The following ADAM2 variants were observed in gnomAD, a reference collection of about 807,000 sequenced individuals.
ADAM2 encodes the protein ADAM metallopeptidase domain 2, also known as disintegrin and metalloproteinase domain-containing protein 2.
Under a neutral mutation model 99.3 loss-of-function variants are expected in ADAM2, and 101 were observed. The observed-to-expected ratio is 1.02, with a 90% confidence interval of 0.87 to 1.20. The LOEUF is 1.20. Among genes scored for constraint, ADAM2 ranks in the 50% most tolerant of loss-of-function variants. The pLI is 0.00. For missense variants in ADAM2, 948 were observed against 878.7 expected (o/e 1.08, Z -1.00); for synonymous variants, 323 against 287.6 (o/e 1.12, Z -1.25).
chr8:39,790,890 T>A (rs1803683626), intron 7 of ADAM2, among the ~76,000 whole-genome samples: 1 of 151,782 alleles, frequency 6.6e-6, no homozygotes, highest in Non-Finnish European at 1.5e-5. Flanking sequence ...CAATTAACAC[T>A]CCAACCATGT....
At chr8:39,817,671 G>T (rs946455056) in intron 6 of ADAM2, among the ~76,000 whole-genome samples, 15 of 151,860 alleles carry the variant, frequency 9.9e-5, no homozygotes, top group African/African-American at 3.4e-4. Flanking sequence ...TAAAAACTTA[G>T]TAATATGTGC....
chr8:39,813,914 T>A (rs758523889), intron 6 of ADAM2, among the ~76,000 whole-genome samples: 26 of 150,720 alleles, frequency 1.7e-4, no homozygotes, highest in Non-Finnish European at 3.2e-4. Context: ...ACTTAAAGTA[T>A]AATAAAAAAT....
At chr8:39,778,789 C>T (rs969439077) in intron 10 of ADAM2, among the ~76,000 whole-genome samples, 3 of 152,006 alleles carry the variant, frequency 2.0e-5, no homozygotes, top group African/African-American at 4.8e-5. Context: ...AAGGATTCAG[C>T]TAAATTTCAA....
At chr8:39,789,823 A>G (rs1803626921) in intron 7 of ADAM2, among the ~76,000 whole-genome samples, 1 of 151,890 alleles carries the variant, frequency 6.6e-6, no homozygotes, top group Non-Finnish European at 1.5e-5. Flanking sequence ...TAGAATATAT[A>G]AAGAACATTT....
chr8:39,832,914 A>G (rs908099314), intron 3 of ADAM2, among the ~76,000 whole-genome samples: 2 of 152,100 alleles, frequency 1.3e-5, no homozygotes, highest in African/African-American at 4.8e-5. Flanking sequence ...CATTTTTTCT[A>G]ATAGAAAAAA....
intron 14 of ADAM2, among the ~76,000 whole-genome samples, chr8:39,765,739 T>C (rs964340600): frequency 6.6e-6 from 1 of 152,252 alleles, no homozygotes; most frequent in Non-Finnish European, 1.5e-5. Flanking sequence ...TGTAAGTTTC[T>C]TTCTTTGCAT....
At chr8:39,771,179 T>G (rs552458060) in intron 11 of ADAM2, among the ~76,000 whole-genome samples, 1 of 152,316 alleles carries the variant, frequency 6.6e-6, no homozygotes, top group African/African-American at 2.4e-5. Flanking sequence ...TAGTCTACTA[T>G]TTCCTCTGCC....
At chr8:39,759,982 T>G (rs1169209234) in intron 15 of ADAM2, among the ~76,000 whole-genome samples, 1 of 152,150 alleles carries the variant, frequency 6.6e-6, no homozygotes, top group Non-Finnish European at 1.5e-5. Context: ...TTCTCCTGCC[T>G]CAGCCTCTCG....
At chr8:39,749,788 G>C in intron 16 of ADAM2, 44 bp from the exon 17 acceptor site, 1 of 1,497,806 alleles carries the variant, frequency 6.7e-7, no homozygotes, top group African/African-American at 1.4e-5. Flanking sequence ...ATGCCATCTA[G>C]AGTTGCCATT....
intron 3 of ADAM2, among the ~76,000 whole-genome samples, chr8:39,831,402 C>G (rs1339448985): frequency 1.3e-5 from 2 of 152,062 alleles, no homozygotes; most frequent in African/African-American, 4.8e-5. Flanking sequence ...TGAAGAGAGG[C>G]CTCCACAACA....
intron 14 of ADAM2, among the ~76,000 whole-genome samples, chr8:39,762,038 C>T (rs1395522288): frequency 6.6e-6 from 1 of 152,142 alleles, no homozygotes; most frequent in Non-Finnish European, 1.5e-5. Context: ...GAGCCGAGAT[C>T]GCGCCATTGC....
At chr8:39,758,394 A>T (rs1802230292) in intron 15 of ADAM2, among the ~76,000 whole-genome samples, 1 of 152,088 alleles carries the variant, frequency 6.6e-6, no homozygotes, top group South Asian at 2.1e-4. Context: ...TGAAAGAGAG[A>T]GACAGAGACA....
Position 39,749,329 on chromosome 8 carries a change from A to G in ADAM2, c.1997T>C (p.Ile666Thr). Residue 666 changes from isoleucine to threonine, a missense_variant, in exon 18 of 21, where the codon ATA (isoleucine) becomes ACA (threonine). Transcript: ENST00000265708. Reference sequence around the variant, plus strand: ...ATACTTACCAGGGAGTCTGGCTGGTATAGCTACAGGTGGAAAATTGCCACT... The same window carrying G: ...ATACTTACCAGGGAGTCTGGCTGGTGTAGCTACAGGTGGAAAATTGCCACT... Reference protein sequence around the residue: ...IDSGNFPPVAIPARLPERRYI... With the variant: ...IDSGNFPPVATPARLPERRYI... 1 of 1,612,342 alleles carries G rather than the reference A, an allele frequency of 6.2e-7. No homozygotes were observed. Among genetic ancestry groups the G allele is most frequent in the Non-Finnish European group, 8.5e-7 (1 of 1,178,924 alleles).
chr8:39,826,383 C>A (rs1314083471), intron 3 of ADAM2, among the ~76,000 whole-genome samples: 56 of 152,202 alleles, frequency 3.7e-4, no homozygotes, highest in Non-Finnish European at 8.8e-5. Flanking sequence ...AAACTGGACA[C>A]CCACATGCAG....
intron 18 of ADAM2, 116 bp downstream of exon 18, chr8:39,749,196 G>A (rs139129110): frequency 2.2e-6 from 2 of 917,222 alleles, no homozygotes; most frequent in African/African-American, 3.3e-5. Context: ...TTCATGTGCA[G>A]TTTAATGTCT....
At chr8:39,835,747 G>C (rs1372364993) in intron 2 of ADAM2, among the ~76,000 whole-genome samples, 1 of 151,584 alleles carries the variant, frequency 6.6e-6, no homozygotes, top group African/African-American at 2.4e-5. Flanking sequence ...TTTATTAACT[G>C]TAATAATTCA....
intron 3 of ADAM2, among the ~76,000 whole-genome samples, chr8:39,826,328 A>T (rs183361220): frequency 7.3e-4 from 111 of 152,318 alleles, no homozygotes; most frequent in African/African-American, 2.5e-3. Flanking sequence ...TGTCAAGAAG[A>T]CACAATGGGG....
At position 39,749,583 on chromosome 8, in the gene ADAM2, G is replaced by GCGCA. The variant is rs113780233; in HGVS notation, c.1875+83_1875+84insTGCG. ...TGTTTTGGTGTGTGTGTGTGTGTGT[G>GCGCA]TGCGTGTGTGTGTGTGTAGCAATGC... On this transcript the variant is annotated intron_variant, in intron 17 of 20. Transcript: ENST00000265708. 4 of 979,174 alleles carry GCGCA rather than the reference G, an allele frequency of 4.1e-6. No individual in the cohort carries two copies. In the South Asian group the frequency reaches 5.3e-5, roughly 13 times the overall value. The allele number at this position is 979,174 out of a possible 1,614,324, so 60.7% of individuals were successfully genotyped here.
chr8:39,760,731 T>A (rs1037117861), intron 15 of ADAM2, among the ~76,000 whole-genome samples: 17 of 133,212 alleles, frequency 1.3e-4, no homozygotes, highest in East Asian at 4.5e-4. Flanking sequence ...AAAAATAAAA[T>A]AAAAAAATAA....
Sources: allele counts gnomAD v4.1 joint callset (sites outside exome capture counted in the v4.1 genomes callset), GRCh38; gene constraint gnomAD v4.1.1; transcripts MANE v1.5; gene names NCBI Gene and HGNC (gene_info 2026-07-23, HGNC 2026-07-21).